The following ATG13 variants were observed in gnomAD, a reference collection of about 807,000 sequenced individuals.
The protein encoded by ATG13 is autophagy-related protein 13.
In ATG13, 23 loss-of-function variants were observed where a neutral mutation model predicts 65.5. That is an observed-to-expected ratio of 0.35 (90% CI 0.25 to 0.50). The LOEUF (loss-of-function observed/expected upper bound fraction) is 0.50. Ranked by LOEUF, ATG13 falls within the 20% of genes least tolerant of loss-of-function variation. The probability of loss-of-function intolerance (pLI) is 0.98; values close to 1 mark genes in which losing one functional copy is unlikely to be tolerated. For missense variants in ATG13, 566 were observed against 677.0 expected (o/e 0.84, Z 1.82); for synonymous variants, 252 against 245.2 (o/e 1.03, Z -0.26).
At chr11:46,624,033 G>A (rs895676956) in intron 1 of ATG13, among the ~76,000 whole-genome samples, 1 of 146,320 alleles carries the variant, frequency 6.8e-6, no homozygotes, top group African/African-American at 2.5e-5. Context: ...TTGAGATGGA[G>A]TCTCGCTGTC....
At chr11:46,662,427 A>T (rs1697193827) in intron 11 of ATG13, among the ~76,000 whole-genome samples, 1 of 152,200 alleles carries the variant, frequency 6.6e-6, no homozygotes, top group Admixed American at 6.5e-5. Flanking sequence ...CTAAAAGTAA[A>T]TGGAAGTTTA....
chr11:46,633,003 A>AAT lies in ATG13; in HGVS notation c.-14+2926_-14+2927dup, dbSNP rs1184181156. Among the ~76,000 whole-genome samples the AAT allele has an allele frequency of 6.1e-3, 544 of 89,080 alleles. 2 individuals carry two copies. The highest frequency in any genetic ancestry group is 0.013 in the African/African-American group (320 of 23,988). The allele number at this position is 89,080 out of a possible 152,430, so 58.4% of individuals were successfully genotyped here. On this transcript the variant is annotated intron_variant, in intron 2 of 18. Coordinates refer to ENST00000683050, the MANE Select transcript of ATG13 (RefSeq NM_001346311.2). ...CAGAGCAAGACCCCCATTAAAAAAA[A>AAT]ATATATATATATATATATATATATT... is the stretch of plus-strand genomic sequence containing the variant.
rs1489024354 is a variant in ATG13 at position 46,672,859 on chromosome 11, CTCTTCTTCTCT to C, written c.*528_*538del. 4.4e-6 allele frequency: 5 copies of C among 1,145,226 alleles called. No individual in the cohort carries two copies. The African/African-American group carries it at 8.1e-5, about 19-fold the overall frequency. 70.9% of individuals were successfully genotyped at this position (1,145,226 alleles called of 1,614,324 possible). On this transcript the variant is annotated 3_prime_UTR_variant, in exon 19 of 19. Transcript: ENST00000683050. The stretch of plus-strand genomic sequence containing the variant: ...CTTTACTTCCTGCTATCTTCTTCTC[CTCTTCTTCTCT>C]CTCTTGCCTCTATGCCTGTATTTCT...
chr11:46,672,842 C>T lies in ATG13; in HGVS notation c.*510C>T, dbSNP rs2064058980. The T allele has an allele frequency of 4.1e-6, 5 of 1,208,586 alleles. No homozygotes were observed. Among genetic ancestry groups the T allele is most frequent in the Non-Finnish European group, 1.1e-6 (1 of 937,084 alleles). The allele number at this position is 1,208,586 out of a possible 1,614,324, so 74.9% of individuals were successfully genotyped here. A position where few individuals can be genotyped will look rare whatever the true frequency, so the allele number is the denominator to read the frequency against. The stretch of plus-strand genomic sequence containing the variant: ...GCTCTCTTCATTGTCCCCTTTACTT[C>T]CTGCTATCTTCTTCTCCTCTTCTTC... On this transcript the variant is annotated 3_prime_UTR_variant, in exon 19 of 19. Coordinates refer to ENST00000683050, the MANE Select transcript of ATG13 (RefSeq NM_001346311.2).
At chr11:46,656,203 G>T (rs562458680) in intron 7 of ATG13, 30 bp from the exon 8 acceptor site, 7 of 1,602,684 alleles carry the variant, frequency 4.4e-6, no homozygotes. Flanking sequence ...AAAGAATCAG[G>T]TAACATTTCT....
chr11:46,653,878 C>T (rs972927694), intron 7 of ATG13, among the ~76,000 whole-genome samples: 1 of 151,962 alleles, frequency 6.6e-6, no homozygotes, highest in African/African-American at 2.4e-5. Flanking sequence ...GAAGCTTCTT[C>T]ATACATTGTT....
In ATG13 at chr11:46,657,187, A is replaced by G; in HGVS notation, c.592A>G (p.Thr198Ala). 6.2e-7 allele frequency: 1 copy of G among 1,612,418 alleles called. No individual in the cohort carries two copies. The highest frequency in any genetic ancestry group is 1.1e-5 in the South Asian group (1 of 91,054). ...AYRINLAFMS[T>A]RQFERTPPIM... Reference sequence around the variant, plus strand: ...CAGAATTAACTTGGCATTCATGTCTACCAGGTGAGGAAGAGCCCTGGAATC... The same window carrying G: ...CAGAATTAACTTGGCATTCATGTCTGCCAGGTGAGGAAGAGCCCTGGAATC... Residue 198 changes from threonine (T) to alanine (A), a missense_variant, in exon 9 of 19, where the codon ACC (threonine) becomes GCC (alanine). Thr to Ala is a moderately conservative substitution (Grantham distance 58). This residue lies in a region of ATG13 where 179 missense variants were observed against 267.2 expected (regional missense o/e 0.67). Coordinates refer to ENST00000683050, the MANE Select transcript of ATG13 (RefSeq NM_001346311.2).
At chr11:46,626,661 T>C (rs1158167313) in intron 1 of ATG13, among the ~76,000 whole-genome samples, 3 of 152,232 alleles carry the variant, frequency 2.0e-5, no homozygotes, top group East Asian at 3.8e-4. Context: ...TGTGTTCCCA[T>C]AGATTGTGTA....
chr11:46,645,272 C>T (rs1036012801), intron 3 of ATG13, 67 bp from the exon 4 acceptor site: 42 of 1,401,460 alleles, frequency 3.0e-5, no homozygotes, highest in Admixed American at 4.0e-5. Flanking sequence ...TAACCCTGAT[C>T]GGGAGCCAGA....
intron 1 of ATG13, among the ~76,000 whole-genome samples, chr11:46,622,827 ACT>A (rs1239441514): frequency 6.6e-6 from 1 of 151,928 alleles, no homozygotes; most frequent in South Asian, 2.1e-4. Context: ...CTGTGACAAA[ACT>A]CTGTCATCTT....
At chr11:46,619,678 A>G (rs2046730471) in intron 1 of ATG13, among the ~76,000 whole-genome samples, 1 of 149,230 alleles carries the variant, frequency 6.7e-6, no homozygotes, top group Non-Finnish European at 1.5e-5. Flanking sequence ...ATGAGCCACC[A>G]CTCCTGGCCG....
At chr11:46,649,840 T>G (rs1013050242) in intron 6 of ATG13, among the ~76,000 whole-genome samples, 1 of 152,232 alleles carries the variant, frequency 6.6e-6, no homozygotes, top group Non-Finnish European at 1.5e-5. Context: ...TCTGTTAGAT[T>G]ATCGAGATAG....
At chr11:46,626,913 A>G (rs2049872717) in intron 1 of ATG13, among the ~76,000 whole-genome samples, 1 of 152,194 alleles carries the variant, frequency 6.6e-6, no homozygotes, top group Admixed American at 6.5e-5. Flanking sequence ...AAAAAGGACT[A>G]TGTCAGGAAA....
chr11:46,655,377 G>A (rs796155897), intron 7 of ATG13, among the ~76,000 whole-genome samples: 27 of 152,084 alleles, frequency 1.8e-4, no homozygotes, highest in African/African-American at 6.3e-4. Flanking sequence ...CAGCCAGGGC[G>A]ACAGAGTGAG....
In ATG13 at chr11:46,650,066, G is replaced by T. The variant is rs1245955677; in HGVS notation, c.318-111G>T. 10 of 1,195,290 alleles carry T rather than the reference G, an allele frequency of 8.4e-6. 1 individual carries two copies. The African/African-American group carries it at 1.5e-4, about 18-fold the overall frequency. 74.0% of individuals were successfully genotyped at this position (1,195,290 alleles called of 1,614,324 possible). A position where few individuals can be genotyped will look rare whatever the true frequency, so the allele number is the denominator to read the frequency against. On this transcript the variant is annotated intron_variant, in intron 6 of 18. Transcript: ENST00000683050. ...CTTACCTCAGTAATCTGTTGATAAA[G>T]GTGTAATTAGAGTTCTCTGGTTAGT...
intron 1 of ATG13, among the ~76,000 whole-genome samples, chr11:46,626,530 G>A (rs1280231276): frequency 1.3e-5 from 2 of 152,300 alleles, no homozygotes; most frequent in South Asian, 2.1e-4. Flanking sequence ...GATTACAAGC[G>A]TGAGCCACTG....
chr11:46,661,443 C>T (rs1458015216), intron 11 of ATG13, among the ~76,000 whole-genome samples: 3 of 147,860 alleles, frequency 2.0e-5, no homozygotes, highest in Non-Finnish European at 3.0e-5. Flanking sequence ...GCTTGAACCC[C>T]GGAGGCAGAG....
At chr11:46,626,098 G>A (rs762953804) in intron 1 of ATG13, among the ~76,000 whole-genome samples, 10 of 152,098 alleles carry the variant, frequency 6.6e-5, no homozygotes, top group African/African-American at 1.2e-4. Flanking sequence ...TGGGACTACA[G>A]GTGCCCACCA....
chr11:46,665,595 G>C, intron 14 of ATG13, 76 bp downstream of exon 14: 2 of 1,543,736 alleles, frequency 1.3e-6, no homozygotes, highest in East Asian at 2.3e-5. Context: ...TGCTTATTTA[G>C]AATTAGTAAA....
Sources: allele counts gnomAD v4.1 joint callset (sites outside exome capture counted in the v4.1 genomes callset), GRCh38; gene constraint gnomAD v4.1.1; regional missense constraint gnomAD v4.1.1; transcripts MANE v1.5; gene names NCBI Gene and HGNC (gene_info 2026-07-23, HGNC 2026-07-21).